RIC8B: variants seen among roughly 807,000 people sequenced by gnomAD.
RIC8B encodes the protein chaperone Ric-8B.
A neutral mutation model predicts 57.5 loss-of-function variants in RIC8B; 16 were observed. The ratio of observed to expected loss-of-function variants is 0.28; its 90% CI spans 0.19 to 0.42. The LOEUF (loss-of-function observed/expected upper bound fraction) is 0.42, where lower values mean the gene tolerates loss of function less well. RIC8B is among the 10% of genes least tolerant of loss of function. The pLI, the probability that RIC8B is intolerant of heterozygous loss-of-function variation, is 1.00. For synonymous variants in RIC8B, 216 were observed against 250.8 expected, an observed-to-expected ratio of 0.86 and a Z score of 1.31; for missense variants, 481 against 677.0, an observed-to-expected ratio of 0.71 and a Z score of 3.21.
intron 1 of RIC8B, among the ~76,000 whole-genome samples, chr12:106,775,656 T>C (rs1315447468): frequency 1.3e-5 from 2 of 152,262 alleles, no homozygotes; most frequent in Admixed American, 6.5e-5. Context: ...TATCTTGTTA[T>C]AAATCCCAGT....
intron 1 of RIC8B, among the ~76,000 whole-genome samples, chr12:106,776,655 C>G (rs2043509393): frequency 6.6e-6 from 1 of 152,174 alleles, no homozygotes; most frequent in Non-Finnish European, 1.5e-5. Flanking sequence ...ATCTACTTAC[C>G]ACTCCTGGCC....
intron 2 of RIC8B, among the ~76,000 whole-genome samples, chr12:106,807,707 C>G (rs2045107728): frequency 6.6e-6 from 1 of 152,162 alleles, no homozygotes; most frequent in Non-Finnish European, 1.5e-5. Flanking sequence ...CTATCAGTTT[C>G]CATCACAGTG....
intron 6 of RIC8B, among the ~76,000 whole-genome samples, chr12:106,845,515 T>TG (rs1329911214): frequency 6.6e-6 from 1 of 152,234 alleles, no homozygotes; most frequent in African/African-American, 2.4e-5. Context: ...TTGCTACTTC[T>TG]GTGGCCAGCA....
At chr12:106,826,364 T>C (rs906020318) in intron 4 of RIC8B, among the ~76,000 whole-genome samples, 1 of 152,242 alleles carries the variant, frequency 6.6e-6, no homozygotes, top group Non-Finnish European at 1.5e-5. Context: ...CTAATTTCAT[T>C]TGAAGAGTAC....
At chr12:106,790,137 ACACT>A (rs1384023437) in intron 2 of RIC8B, among the ~76,000 whole-genome samples, 5 of 152,200 alleles carry the variant, frequency 3.3e-5, no homozygotes, top group African/African-American at 1.2e-4. Flanking sequence ...CAGCTTGCTA[ACACT>A]CACACCACTA....
At chr12:106,847,850 T>C (rs565157322) in intron 6 of RIC8B, among the ~76,000 whole-genome samples, 14 of 152,340 alleles carry the variant, frequency 9.2e-5, no homozygotes, top group Non-Finnish European at 1.9e-4. Context: ...CTTGAATTAA[T>C]TCATTTTTCC....
intron 7 of RIC8B, among the ~76,000 whole-genome samples, chr12:106,854,473 A>T (rs117144705): frequency 6.6e-6 from 1 of 152,106 alleles, no homozygotes; most frequent in African/African-American, 2.4e-5. Context: ...CAGCAGTTAT[A>T]ATGGGTTAGG....
At chr12:106,823,491 A>T in intron 3 of RIC8B, 1 of 455,612 alleles carries the variant, frequency 2.2e-6, no homozygotes, top group Non-Finnish European at 4.4e-6. Flanking sequence ...TAATGGAAAG[A>T]CCAAATGGAT....
chr12:106,833,835 A>G (rs959382807), intron 4 of RIC8B, among the ~76,000 whole-genome samples: 3 of 152,008 alleles, frequency 2.0e-5, no homozygotes, highest in Non-Finnish European at 4.4e-5. Flanking sequence ...ATGGGGGTGG[A>G]TCCTCATGAA....
At chr12:106,846,666 C>T (rs1460039832) in intron 6 of RIC8B, among the ~76,000 whole-genome samples, 1 of 142,992 alleles carries the variant, frequency 7.0e-6, no homozygotes, top group East Asian at 2.0e-4. Flanking sequence ...CTTTTTTCCA[C>T]AAGGGATCCA....
At chr12:106,797,879 T>C in intron 2 of RIC8B, 4 of 446,026 alleles carry the variant, frequency 9.0e-6, no homozygotes, top group Non-Finnish European at 1.6e-5. Context: ...GCAGCCTGGC[T>C]CCAAGACCCG....
chr12:106,776,402 A>T (rs1269755714), intron 1 of RIC8B, among the ~76,000 whole-genome samples: 1 of 152,226 alleles, frequency 6.6e-6, no homozygotes, highest in Non-Finnish European at 1.5e-5. Flanking sequence ...TTTCAGAAGC[A>T]AGAAATGCAA....
intron 5 of RIC8B, 103 bp from the exon 6 acceptor site, chr12:106,843,749 C>G (rs1949062719): frequency 1.3e-6 from 1 of 746,244 alleles, no homozygotes; most frequent in Non-Finnish European, 2.1e-6. Flanking sequence ...AAAAAAGTCC[C>G]CACCTCAAAA....
At chr12:106,832,986 A>C (rs1363951723) in intron 4 of RIC8B, among the ~76,000 whole-genome samples, 1 of 152,040 alleles carries the variant, frequency 6.6e-6, no homozygotes, top group East Asian at 1.9e-4. Context: ...ACATGCTGAG[A>C]TCTATCCCTT....
chr12:106,842,396 G>T (rs1487526851), intron 4 of RIC8B, among the ~76,000 whole-genome samples, 193 bp from the exon 5 acceptor site: 1 of 151,878 alleles, frequency 6.6e-6, no homozygotes, highest in Non-Finnish European at 1.5e-5. Flanking sequence ...TTTCTAATTT[G>T]TACAACATAT....
chr12:106,875,174 G>A (rs1186871384), intron 9 of RIC8B, among the ~76,000 whole-genome samples: 1 of 151,812 alleles, frequency 6.6e-6, no homozygotes, highest in African/African-American at 2.4e-5. Context: ...TTTAAATATT[G>A]GGGTCCATAA....
At chr12:106,885,615 G>A (rs1951147414) in intron 9 of RIC8B, among the ~76,000 whole-genome samples, 1 of 150,872 alleles carries the variant, frequency 6.6e-6, no homozygotes, top group Non-Finnish European at 1.5e-5. Flanking sequence ...AAACAGAAGA[G>A]ACCTGCTCCT....
intron 7 of RIC8B, among the ~76,000 whole-genome samples, chr12:106,852,472 A>T (rs549237155): frequency 6.6e-6 from 1 of 152,228 alleles, no homozygotes; most frequent in Admixed American, 6.5e-5. Flanking sequence ...TATTGATCCA[A>T]CCACTTAAGT....
At chr12:106,794,401 G>T (rs912592009) in intron 2 of RIC8B, among the ~76,000 whole-genome samples, 5 of 152,174 alleles carry the variant, frequency 3.3e-5, no homozygotes, top group Non-Finnish European at 1.5e-5. Flanking sequence ...TATATTTGAA[G>T]AAATAATGGT....
Sources: allele counts gnomAD v4.1 joint callset (sites outside exome capture counted in the v4.1 genomes callset), GRCh38; gene constraint gnomAD v4.1.1; transcripts MANE v1.5; gene names NCBI Gene and HGNC (gene_info 2026-07-23, HGNC 2026-07-21).